Variants in ADGRG2 observed in about 807,000 individuals in gnomAD.
The protein encoded by ADGRG2 is G protein-coupled receptor 64.
A neutral mutation model predicts 74.1 loss-of-function variants in ADGRG2; 26 were observed. The observed-to-expected ratio is 0.35, with a 90% CI of 0.26 to 0.49. The LOEUF (loss-of-function observed/expected upper bound fraction) is 0.49. Ranked by LOEUF, ADGRG2 falls within the 20% of genes least tolerant of loss-of-function variation. The pLI, the probability that ADGRG2 is intolerant of heterozygous loss-of-function variation, is 0.99. For missense variants in ADGRG2, 619 were observed against 763.1 expected (o/e 0.81, Z 2.22); for synonymous variants, 296 against 295.2 (o/e 1.00, Z -0.03).
At chrX:19,055,730 A>G (rs1394270225) in intron 3 of ADGRG2, among the ~76,000 whole-genome samples, 1 of 94,852 alleles carries the variant, frequency 1.1e-5, no homozygotes, top group Non-Finnish European at 2.1e-5. Flanking sequence ...CAGGTGGGAG[A>G]TTTTTTTTTT....
chrX:19,052,157 C>T (rs1457644221), intron 3 of ADGRG2, among the ~76,000 whole-genome samples: 3 of 111,905 alleles, frequency 2.7e-5, no homozygotes, highest in African/African-American at 6.5e-5. Flanking sequence ...TAAGCCTGAA[C>T]TCAGACTCAG....
chrX:19,059,457 T>C (rs1424785815), intron 3 of ADGRG2, among the ~76,000 whole-genome samples: 5 of 111,424 alleles, frequency 4.5e-5, no homozygotes, highest in African/African-American at 1.3e-4. Flanking sequence ...AACACAAACT[T>C]TTCTACTAAC....
chrX:19,024,967 G>A lies in ADGRG2; in HGVS notation c.471-1019C>T, dbSNP rs747071289. On this transcript the variant is annotated intron_variant, in intron 11 of 28. Coordinates refer to ENST00000379869, the MANE Select transcript of ADGRG2 (RefSeq NM_001079858.3). ...CTGGCTAATTTTTTGTAGAGACCAC[G>A]TCTCACCATGTTACCCAGGCTGGTC... is the stretch of plus-strand genomic sequence containing the variant. Among the ~76,000 whole-genome samples the A allele has an allele frequency of 3.9e-4, 44 of 111,503 alleles. 1 individual carries two copies. Among genetic ancestry groups the A allele is most frequent in the Admixed American group, 3.8e-4 (4 of 10,562 alleles).
chrX:19,106,493 T>TTGTGTG (rs199616929), intron 1 of ADGRG2, among the ~76,000 whole-genome samples: 2,225 of 106,746 alleles, frequency 0.021, 58 homozygotes, highest in African/African-American at 0.072. Flanking sequence ...TAGTGTGTGT[T>TTGTGTG]TGTGTGTGTG....
intron 1 of ADGRG2, among the ~76,000 whole-genome samples, chrX:19,115,008 A>G (rs1056772938): frequency 5.4e-5 from 6 of 112,029 alleles, no homozygotes; most frequent in African/African-American, 2.0e-4. Context: ...TAAAGCAATA[A>G]GGGTAGTAAC....
chrX:19,082,707 C>G lies in ADGRG2; in HGVS notation c.-7G>C, dbSNP rs762871622. 2 of 111,869 alleles carry G rather than the reference C, an allele frequency of 1.8e-5. No homozygotes were observed. The highest frequency in any genetic ancestry group is 3.8e-5 in the Non-Finnish European group (2 of 53,125). The allele number at this position is 111,869 out of a possible 1,213,427, so 9.2% of individuals were successfully genotyped here. A position where few individuals can be genotyped will look rare whatever the true frequency, so the allele number is the denominator to read the frequency against. On this transcript the variant is annotated 5_prime_UTR_variant, in exon 2 of 29. Coordinates refer to ENST00000379869, the MANE Select transcript of ADGRG2 (RefSeq NM_001079858.3). ...ATAGAAATAGCATTACTCACCTGACCGCGAGTTCAGAAAACAAAGTGGAGA... is the reference window on the plus strand; with the variant it reads ...ATAGAAATAGCATTACTCACCTGACGGCGAGTTCAGAAAACAAAGTGGAGA...
chrX:19,113,705 G>A (rs1488868547), intron 1 of ADGRG2, among the ~76,000 whole-genome samples: 1 of 111,974 alleles, frequency 8.9e-6, no homozygotes, highest in Non-Finnish European at 1.9e-5. Flanking sequence ...TGGATTAAGG[G>A]CATGGGGTGT....
Position 19,021,208 on chromosome X carries a change from G to A in ADGRG2, c.549-10C>T, listed in dbSNP as rs2060581648. 1 of 831,969 alleles carries A rather than the reference G, an allele frequency of 1.2e-6. No homozygotes were observed. 68.6% of individuals were successfully genotyped at this position (831,969 alleles called of 1,213,427 possible). A position where few individuals can be genotyped will look rare whatever the true frequency, so the allele number is the denominator to read the frequency against. Reference sequence around the variant, plus strand: ...TGTACAATTTAATGTGCTGTAAGGAGAAATATACATAACCAGAATGTTACT... The same window carrying A: ...TGTACAATTTAATGTGCTGTAAGGAAAAATATACATAACCAGAATGTTACT... On this transcript the variant is annotated splice_polypyrimidine_tract_variant and intron_variant, in intron 13 of 28. Transcript: ENST00000379869.
At chrX:18,996,262 G>T in intron 26 of ADGRG2, 110 bp from the exon 27 acceptor site, 1 of 424,466 alleles carries the variant, frequency 2.4e-6, no homozygotes, top group Admixed American at 4.1e-5. Context: ...TGGGCAACAT[G>T]AAATTTTGCA....
At chrX:19,059,948 G>A (rs1011204600) in intron 3 of ADGRG2, among the ~76,000 whole-genome samples, 20 of 110,953 alleles carry the variant, frequency 1.8e-4, no homozygotes, top group Middle Eastern at 4.7e-3. Context: ...CCTGGCCAAC[G>A]TGGCAAAACC....
intron 2 of ADGRG2, among the ~76,000 whole-genome samples, chrX:19,082,190 T>C (rs1206175910): frequency 2.7e-5 from 3 of 109,728 alleles, no homozygotes; most frequent in Non-Finnish European, 5.7e-5. Flanking sequence ...AAGAGGGTCA[T>C]GGGCAGAAAT....
At chrX:19,016,526 T>A (rs1055984722) in intron 15 of ADGRG2, among the ~76,000 whole-genome samples, 8 of 109,876 alleles carry the variant, frequency 7.3e-5, no homozygotes, top group African/African-American at 9.9e-5. Flanking sequence ...TGTTTTTATT[T>A]TTTATTTTTT....
intron 1 of ADGRG2, among the ~76,000 whole-genome samples, chrX:19,102,098 T>C (rs764473953): frequency 5.2e-4 from 55 of 105,917 alleles, no homozygotes; most frequent in African/African-American, 1.5e-3. Context: ...TTGCCGGGTG[T>C]GGTGGCTCAC....
chrX:19,041,424 T>A (rs980045409), intron 3 of ADGRG2, among the ~76,000 whole-genome samples: 5 of 112,204 alleles, frequency 4.5e-5, no homozygotes, highest in Admixed American at 1.9e-4. Flanking sequence ...TGGGGTGTTA[T>A]CTTATACATT....
intron 1 of ADGRG2, among the ~76,000 whole-genome samples, chrX:19,106,440 T>G (rs747051799): frequency 1.7e-4 from 19 of 110,860 alleles, no homozygotes; most frequent in Middle Eastern, 4.6e-3. Context: ...AGTGGCTTAA[T>G]GCCTGCCCCA....
intron 3 of ADGRG2, among the ~76,000 whole-genome samples, chrX:19,043,842 A>C (rs958907672): frequency 9.1e-6 from 1 of 109,464 alleles, no homozygotes. Flanking sequence ...CTGCCATGTG[A>C]ATGTCTTGCT....
At chrX:19,004,586 G>T (rs1265009954) in intron 23 of ADGRG2, among the ~76,000 whole-genome samples, 172 bp downstream of exon 23, 1 of 111,982 alleles carries the variant, frequency 8.9e-6, no homozygotes, top group Non-Finnish European at 1.9e-5. Flanking sequence ...CCACAGACTA[G>T]TGTGAGGACA....
At chrX:19,066,392 T>C (rs371493813) in intron 3 of ADGRG2, among the ~76,000 whole-genome samples, 2 of 102,762 alleles carry the variant, frequency 1.9e-5, no homozygotes, top group East Asian at 3.4e-4. Context: ...TTGTGTGTCC[T>C]TGATGTCTTA....
intron 11 of ADGRG2, among the ~76,000 whole-genome samples, chrX:19,025,861 A>G (rs2060690221): frequency 9.0e-6 from 1 of 110,580 alleles, no homozygotes. Flanking sequence ...GCACCATTGT[A>G]TTCCAGCCTG....
Sources: gnomAD v4.1 joint callset for allele counts (sites outside exome capture counted in the v4.1 genomes callset) on GRCh38, gnomAD v4.1.1 for gene constraint, MANE v1.5 for transcripts, NCBI Gene and HGNC (gene_info 2026-07-23, HGNC 2026-07-21) for gene names.